Variants in RUSF1 observed in about 807,000 individuals in gnomAD.
The protein encoded by RUSF1 is RUS family member 1, also known as RUS1 family protein C16orf58.
In RUSF1, 58 loss-of-function variants were observed where a neutral mutation model predicts 63.0. That is an observed-to-expected ratio of 0.92 (90% CI 0.75 to 1.15). RUSF1 has a LOEUF of 1.15. Ranked by LOEUF, RUSF1 falls within the 50% of genes most tolerant of loss-of-function variation. RUSF1 has a pLI of 0.00. For missense variants in RUSF1, 652 were observed against 611.0 expected (o/e 1.07, Z -0.71); for synonymous variants, 274 against 255.8 (o/e 1.07, Z -0.68).
chr16:31,499,438 G>A (rs764717053), intron 4 of RUSF1, 31 bp from the exon 5 acceptor site: 5 of 1,613,336 alleles, frequency 3.1e-6, no homozygotes, highest in East Asian at 2.2e-5. Context: ...AGAGGTCAGA[G>A]GTAGGAGACT....
Position 31,490,246 on chromosome 16 carries a change from G to A in RUSF1, c.*589C>T. 1.9e-6 allele frequency: 3 copies of A among 1,614,096 alleles called. No individual in the cohort carries two copies. The highest frequency in any genetic ancestry group is 2.5e-6 in the Non-Finnish European group (3 of 1,180,000). ...GAGATGAATGGTAGGGCACCATGCT[G>A]GGAGGTGGGGCTGGAGGAGCTGAGT... On this transcript the variant is annotated 3_prime_UTR_variant, in exon 13 of 13. Coordinates refer to ENST00000327237, the MANE Select transcript of RUSF1 (RefSeq NM_022744.4).
chr16:31,506,288 T>C (rs1308176220), intron 2 of RUSF1, among the ~76,000 whole-genome samples: 1 of 152,256 alleles, frequency 6.6e-6, no homozygotes, highest in Non-Finnish European at 1.5e-5. Flanking sequence ...ACGAATTTCA[T>C]GTTTAGACTT....
chr16:31,493,279 C>G lies in RUSF1; in HGVS notation c.1016+188G>C, dbSNP rs369943709. The G allele has an allele frequency of 6.7e-6, 6 of 898,246 alleles. No individual in the cohort carries two copies. The East Asian group carries it at 1.1e-4, about 16-fold the overall frequency. The allele number at this position is 898,246 out of a possible 1,614,324, so 55.6% of individuals were successfully genotyped here. ...TCCTTCCTTCACCCATCAAGCACAT[C>G]TCTTACATCTGCTTCATGTTATACA... On this transcript the variant is annotated intron_variant, in intron 9 of 12. Coordinates refer to ENST00000327237, the MANE Select transcript of RUSF1 (RefSeq NM_022744.4).
chr16:31,490,348 T>C lies in RUSF1; in HGVS notation c.*487A>G, dbSNP rs2082552992. On this transcript the variant is annotated 3_prime_UTR_variant, in exon 13 of 13. Coordinates refer to ENST00000327237, the MANE Select transcript of RUSF1 (RefSeq NM_022744.4). The stretch of plus-strand genomic sequence containing the variant: ...GCACCAAGCCTCTTCCGCCAGTGCC[T>C]GCTCTGGTTTTGTGGAATGAGCAGA... The C allele has an allele frequency of 6.2e-7, 1 of 1,612,808 alleles. No individual in the cohort carries two copies. The highest frequency in any genetic ancestry group is 1.7e-5 in the Admixed American group (1 of 59,796).
chr16:31,497,110 T>C (rs545788507), intron 5 of RUSF1, among the ~76,000 whole-genome samples, 160 bp from the exon 6 acceptor site: 2 of 152,296 alleles, frequency 1.3e-5, no homozygotes, highest in East Asian at 1.9e-4. Flanking sequence ...TTCCCTGTCC[T>C]GTTCTAGGAA....
At chr16:31,497,159 C>T (rs1383338165) in intron 5 of RUSF1, among the ~76,000 whole-genome samples, 1 of 152,090 alleles carries the variant, frequency 6.6e-6, no homozygotes, top group Non-Finnish European at 1.5e-5. Context: ...TGGGGACTGG[C>T]CTCACAGAAG....
chr16:31,498,589 G>T (rs923392487), intron 5 of RUSF1, among the ~76,000 whole-genome samples: 22 of 152,200 alleles, frequency 1.4e-4, no homozygotes, highest in African/African-American at 5.3e-4. Context: ...ACCATGCCAG[G>T]CCTCAGTGTC....
At chr16:31,501,758 A>G (rs1446938448) in intron 2 of RUSF1, among the ~76,000 whole-genome samples, 2 of 152,156 alleles carry the variant, frequency 1.3e-5, no homozygotes, top group Non-Finnish European at 2.9e-5. Context: ...CAGGTACTTC[A>G]TGACCACAGT....
intron 2 of RUSF1, among the ~76,000 whole-genome samples, chr16:31,501,559 A>C (rs984249876): frequency 2.0e-5 from 3 of 149,950 alleles, no homozygotes; most frequent in Non-Finnish European, 4.4e-5. Context: ...ATGTCACTGC[A>C]CTCCAGCCTG....
chr16:31,490,993 G>A, intron 12 of RUSF1, 61 bp from the exon 13 acceptor site: 2 of 1,535,596 alleles, frequency 1.3e-6, no homozygotes, highest in East Asian at 4.5e-5. Flanking sequence ...GAGAGGCACA[G>A]GCTGGGTGCA....
Position 31,490,942 on chromosome 16 carries a change from G to A in RUSF1, c.1310-10C>T. 1 of 1,613,598 alleles carries A rather than the reference G, an allele frequency of 6.2e-7. No homozygotes were observed. Among genetic ancestry groups the A allele is most frequent in the Non-Finnish European group, 8.5e-7 (1 of 1,179,646 alleles). On this transcript the variant is annotated splice_polypyrimidine_tract_variant and intron_variant, in intron 12 of 12. Transcript: ENST00000327237. ...CCGGCATCCTGCAGTCCTGGGGAGAGATCATGGGGTGCTGCCGGGAATGCT... is the reference window on the plus strand; with the variant it reads ...CCGGCATCCTGCAGTCCTGGGGAGAAATCATGGGGTGCTGCCGGGAATGCT...
intron 2 of RUSF1, among the ~76,000 whole-genome samples, chr16:31,501,551 G>A (rs2082633010): frequency 6.7e-6 from 1 of 150,030 alleles, no homozygotes; most frequent in South Asian, 2.1e-4. Context: ...CTATGATCAT[G>A]TCACTGCACT....
Position 31,500,677 on chromosome 16 carries a change from C to T in RUSF1, c.461+9G>A. ...TTGCCAGAGTTGCTGGCCGGGAAGA[C>T]AAACTCACCCTTTCCACCAGGCAAA... On this transcript the variant is annotated intron_variant, in intron 3 of 12. Coordinates refer to ENST00000327237, the MANE Select transcript of RUSF1 (RefSeq NM_022744.4). 1 of 1,612,264 alleles carries T rather than the reference C, an allele frequency of 6.2e-7. No individual in the cohort carries two copies. The highest frequency in any genetic ancestry group is 8.5e-7 in the Non-Finnish European group (1 of 1,178,932).
chr16:31,507,986 C>A (rs2082670044), intron 1 of RUSF1, 88 bp downstream of exon 1: 1 of 1,540,276 alleles, frequency 6.5e-7, no homozygotes, highest in East Asian at 2.5e-5. Context: ...ACCCCCCGCC[C>A]CCCGGGCTCC....
At chr16:31,496,745 C>T (rs1441168370) in intron 6 of RUSF1, 104 bp downstream of exon 6, 5 of 1,010,654 alleles carry the variant, frequency 4.9e-6, no homozygotes, top group African/African-American at 4.9e-5. Context: ...GCAGGGAGCA[C>T]CCATACTTCT....
In RUSF1 at chr16:31,500,567, C is replaced by A. The variant is rs2082627660; in HGVS notation, c.461+119G>T. 3.8e-6 allele frequency: 5 copies of A among 1,330,966 alleles called. No individual in the cohort carries two copies. In the East Asian group the frequency reaches 1.2e-4, roughly 32 times the overall value. The allele number at this position is 1,330,966 out of a possible 1,614,324, so 82.4% of individuals were successfully genotyped here. On this transcript the variant is annotated intron_variant, in intron 3 of 12. Coordinates refer to ENST00000327237, the MANE Select transcript of RUSF1 (RefSeq NM_022744.4). ...TGTACGATGCCACGGGCATTAAGCA[C>A]TTTGCATAGATCATCTCATGGAACC...
In RUSF1 at chr16:31,490,817, G is replaced by A. The variant is rs1265080706; in HGVS notation, c.*18C>T. On this transcript the variant is annotated 3_prime_UTR_variant, in exon 13 of 13. Transcript: ENST00000327237. The stretch of plus-strand genomic sequence containing the variant: ...GCTCCAGGTTCCTGCCCTGGGCTTG[G>A]GCCTCCGTCTGGGCTGCTCACAAGA... 6.2e-7 allele frequency: 1 copy of A among 1,613,408 alleles called. No individual in the cohort carries two copies. The highest frequency in any genetic ancestry group is 8.5e-7 in the Non-Finnish European group (1 of 1,179,402).
intron 9 of RUSF1, 108 bp from the exon 10 acceptor site, chr16:31,493,156 C>A: frequency 8.5e-7 from 1 of 1,170,764 alleles, no homozygotes; most frequent in Non-Finnish European, 1.3e-6. Flanking sequence ...AGGCTTCACT[C>A]AGGTCCCCTC....
intron 5 of RUSF1, among the ~76,000 whole-genome samples, chr16:31,498,853 G>A (rs1004653780): frequency 1.3e-5 from 2 of 152,176 alleles, no homozygotes; most frequent in African/African-American, 4.8e-5. Flanking sequence ...CCCCGCCTCA[G>A]CCTCTTGCAG....
Sources: gnomAD v4.1 joint callset for allele counts (sites outside exome capture counted in the v4.1 genomes callset) on GRCh38, gnomAD v4.1.1 for gene constraint, MANE v1.5 for transcripts, NCBI Gene and HGNC (gene_info 2026-07-23, HGNC 2026-07-21) for gene names.